Variants in ANKRD18A observed in about 807,000 individuals in gnomAD.
ANKRD18A encodes ankyrin repeat domain 18A.
In ANKRD18A, 72 loss-of-function variants were observed where a neutral mutation model predicts 110.6. The ratio of observed to expected loss-of-function variants is 0.65; its 90% CI spans 0.54 to 0.79. The LOEUF is 0.79. Ranked by LOEUF, ANKRD18A falls within the 30% of genes least tolerant of loss-of-function variation. ANKRD18A has a pLI of 0.00. For missense variants in ANKRD18A, 934 were observed against 1,163.3 expected (o/e 0.80, Z 2.87); for synonymous variants, 305 against 410.3 (o/e 0.74, Z 3.10).
At chr9:38,605,153 T>C (rs1430021231) in intron 6 of ANKRD18A, among the ~76,000 whole-genome samples, 1 of 152,212 alleles carries the variant, frequency 6.6e-6, no homozygotes, top group African/African-American at 2.4e-5. Flanking sequence ...AAGCACTATT[T>C]CAGGTAGTAA....
chr9:38,572,936 C>A (rs7028118), intron 15 of ANKRD18A: 3 of 384,616 alleles, frequency 7.8e-6, no homozygotes, highest in Non-Finnish European at 1.4e-5. Flanking sequence ...TGAAAGTTTT[C>A]GTTTTCACAT....
chr9:38,589,298 G>A (rs1201820811), intron 10 of ANKRD18A, among the ~76,000 whole-genome samples: 1 of 152,200 alleles, frequency 6.6e-6, no homozygotes, highest in African/African-American at 2.4e-5. Flanking sequence ...ATGACACAGG[G>A]TCTCATCCAG....
chr9:38,609,216 AC>A lies in ANKRD18A; in HGVS notation c.740+1056del, dbSNP rs201615732. ...AGCTGTGGGCCGGGCGCGGTGGCTC[AC>A]GCCTGTAATCACAGCACTTTAGGAG... On this transcript the variant is annotated intron_variant, in intron 5 of 15. Transcript: ENST00000399703. 3.0e-3 allele frequency among the ~76,000 whole-genome samples: 454 copies of A among 152,292 alleles called. 1 individual carries two copies. The highest frequency in any genetic ancestry group is 0.01 in the African/African-American group (435 of 41,566).
chr9:38,620,479 G>A lies in ANKRD18A; in HGVS notation c.-194C>T. On this transcript the variant is annotated 5_prime_UTR_variant, in exon 1 of 16. Transcript: ENST00000399703. ...TAGCTCAGAATCCGCGATCCAGCCC[G>A]GTCCACCACAGCCTTCAGCAGCGAC... 3.5e-6 allele frequency: 5 copies of A among 1,422,280 alleles called. No homozygotes were observed. The highest frequency in any genetic ancestry group is 4.6e-6 in the Non-Finnish European group (5 of 1,090,076). 88.1% of individuals were successfully genotyped at this position (1,422,280 alleles called of 1,614,324 possible). A position where few individuals can be genotyped will look rare whatever the true frequency, so the allele number is the denominator to read the frequency against.
intron 12 of ANKRD18A, among the ~76,000 whole-genome samples, chr9:38,579,725 G>A (rs746817161): frequency 1.3e-5 from 2 of 152,316 alleles, no homozygotes; most frequent in Non-Finnish European, 2.9e-5. Flanking sequence ...CATGCTGTTC[G>A]TGGGAAGGTA....
intron 4 of ANKRD18A, 71 bp downstream of exon 4, chr9:38,611,144 A>G: frequency 6.8e-7 from 1 of 1,473,918 alleles, no homozygotes; most frequent in Non-Finnish European, 9.0e-7. Context: ...TTCTGACTTG[A>G]GTGACTGTTA....
At chr9:38,619,056 G>C (rs940651554) in intron 1 of ANKRD18A, among the ~76,000 whole-genome samples, 1 of 151,406 alleles carries the variant, frequency 6.6e-6, no homozygotes, top group African/African-American at 2.4e-5. Context: ...GTTATCTTTT[G>C]TTAATTTTTT....
chr9:38,617,439 CAA>C (rs1032908546), intron 1 of ANKRD18A, among the ~76,000 whole-genome samples: 9 of 151,522 alleles, frequency 5.9e-5, no homozygotes, highest in African/African-American at 2.2e-4. Flanking sequence ...GACTCTGTCG[CAA>C]AACGAAAAAA....
At chr9:38,618,674 TG>T (rs1345309412) in intron 1 of ANKRD18A, among the ~76,000 whole-genome samples, 1 of 152,142 alleles carries the variant, frequency 6.6e-6, no homozygotes. Context: ...ACAAACACTG[TG>T]GATAGAACAC....
downstream of ANKRD18A, among the ~76,000 whole-genome samples, chr9:38,570,868 G>A (rs1823613808): frequency 6.6e-6 from 1 of 152,236 alleles, no homozygotes; most frequent in African/African-American, 2.4e-5. Flanking sequence ...AGGAGACAAT[G>A]AGGTGGCCTG....
chr9:38,588,228 G>C (rs941656111), intron 11 of ANKRD18A, among the ~76,000 whole-genome samples: 3 of 152,066 alleles, frequency 2.0e-5, no homozygotes, highest in African/African-American at 7.2e-5. Flanking sequence ...CAGCTCAGCT[G>C]ACTTCCACCC....
At chr9:38,566,250 A>G in the ANKRD18A span, 5 of 148,902 alleles carry the variant, frequency 3.4e-5, no homozygotes, top group Non-Finnish European at 6.0e-5. Flanking sequence ...ATTAACTCAA[A>G]GTTACAAAGT....
chr9:38,579,689 A>G (rs970565529), intron 12 of ANKRD18A, among the ~76,000 whole-genome samples: 14 of 152,248 alleles, frequency 9.2e-5, no homozygotes, highest in African/African-American at 2.4e-4. Context: ...AGTGCTGGTG[A>G]GGTTTCAGAG....
intron 12 of ANKRD18A, among the ~76,000 whole-genome samples, chr9:38,578,626 C>T (rs1368963490): frequency 3.3e-5 from 5 of 152,114 alleles, no homozygotes; most frequent in African/African-American, 1.2e-4. Flanking sequence ...CTTGTAATCC[C>T]AGCACTTTAG....
intron 10 of ANKRD18A, among the ~76,000 whole-genome samples, chr9:38,592,526 GAC>G (rs1824698857): frequency 6.6e-6 from 1 of 152,240 alleles, no homozygotes; most frequent in Admixed American, 6.5e-5. Flanking sequence ...AGGCAGGAAA[GAC>G]AGCATGGGTA....
At chr9:38,573,069 A>AT in intron 15 of ANKRD18A, 1 of 1,402,478 alleles carries the variant, frequency 7.1e-7, no homozygotes, top group Non-Finnish European at 9.5e-7. Flanking sequence ...TAATTAATAC[A>AT]TTTTGGCAAC....
chr9:38,572,825 C>G (rs7027982), intron 15 of ANKRD18A: 21,394 of 206,206 alleles, frequency 0.1, 1,816 homozygotes, highest in African/African-American at 0.25. Flanking sequence ...CAAAAGTGAA[C>G]AAATTGTAGA....
At chr9:38,617,397 G>A (rs1340744749) in intron 1 of ANKRD18A, among the ~76,000 whole-genome samples, 3 of 152,214 alleles carry the variant, frequency 2.0e-5, no homozygotes, top group South Asian at 4.2e-4. Context: ...CTGAGATCAC[G>A]CCACTGCACT....
At chr9:38,573,804 C>T (rs566818595) in intron 15 of ANKRD18A, among the ~76,000 whole-genome samples, 5 of 151,970 alleles carry the variant, frequency 3.3e-5, no homozygotes, top group African/African-American at 1.2e-4. Context: ...AAACTCTGTC[C>T]TTTACAAAAG....
Sources: gnomAD v4.1 joint callset for allele counts (sites outside exome capture counted in the v4.1 genomes callset) on GRCh38, gnomAD v4.1.1 for gene constraint, MANE v1.5 for transcripts, NCBI Gene and HGNC (gene_info 2026-07-23, HGNC 2026-07-21) for gene names.